The following PCDH10 variants were observed in gnomAD, a reference collection of about 807,000 sequenced individuals.
PCDH10 encodes the protein protocadherin 10, also known as protocadherin-10.
Under a neutral mutation model 74.4 loss-of-function variants are expected in PCDH10, and 15 were observed. The ratio of observed to expected loss-of-function variants is 0.20; its 90% CI spans 0.13 to 0.31. The LOEUF (loss-of-function observed/expected upper bound fraction) is 0.31, where lower values mean the gene tolerates loss of function less well. Ranked by LOEUF, PCDH10 falls within the 10% of genes least tolerant of loss-of-function variation. PCDH10 has a pLI of 1.00. For missense variants in PCDH10, 1,260 were observed against 1,390.2 expected (o/e 0.91, Z 1.49); for synonymous variants, 619 against 589.8 (o/e 1.05, Z -0.72).
At chr4:133,206,929 A>T (rs1728019416) in intron 2 of PCDH10, among the ~76,000 whole-genome samples, 1 of 152,182 alleles carries the variant, frequency 6.6e-6, no homozygotes, top group Non-Finnish European at 1.5e-5. Context: ...AAAAGCACTG[A>T]CATGTTTGAA....
At chr4:133,204,107 C>T (rs1727956663) in intron 2 of PCDH10, among the ~76,000 whole-genome samples, 1 of 152,078 alleles carries the variant, frequency 6.6e-6, no homozygotes, top group Admixed American at 6.6e-5. Context: ...AGATGTTTAC[C>T]TTTATACCCC....
At chr4:133,164,056 C>T (rs771841415) in intron 4 of PCDH10, 5 of 454,676 alleles carry the variant, frequency 1.1e-5, no homozygotes, top group Non-Finnish European at 1.8e-5. Context: ...GTAGTGACAA[C>T]AATAGGTGGT....
intron 4 of PCDH10, among the ~76,000 whole-genome samples, chr4:133,172,762 A>G (rs1388356329): frequency 1.3e-5 from 2 of 151,986 alleles, no homozygotes; most frequent in Admixed American, 6.6e-5. Flanking sequence ...TATAGGGAAA[A>G]CCATCTGCAG....
intron 2 of PCDH10, among the ~76,000 whole-genome samples, chr4:133,201,903 A>G (rs1727916658): frequency 6.6e-6 from 1 of 151,792 alleles, no homozygotes; most frequent in Non-Finnish European, 1.5e-5. Flanking sequence ...GATCCCTAAT[A>G]AAGACAATTC....
intron 4 of PCDH10, among the ~76,000 whole-genome samples, chr4:133,173,510 G>A (rs931729805): frequency 1.3e-5 from 2 of 151,880 alleles, no homozygotes; most frequent in African/African-American, 2.4e-5. Flanking sequence ...CTGTGATTTG[G>A]TGAAATATCA....
intron 4 of PCDH10, among the ~76,000 whole-genome samples, chr4:133,183,905 T>G (rs1211040035): frequency 6.6e-6 from 1 of 152,192 alleles, no homozygotes; most frequent in Non-Finnish European, 1.5e-5. Context: ...TTATACATTT[T>G]ATTCATTCAT....
chr4:133,199,348 C>T (rs2125876968), downstream of PCDH10, among the ~76,000 whole-genome samples: 1 of 148,306 alleles, frequency 6.7e-6, no homozygotes, highest in Admixed American at 6.8e-5. Context: ...AGCAAGATAA[C>T]TTGCAAAAAT....
chr4:133,191,991 A>ACG lies in PCDH10; in HGVS notation c.*1832_*1833insGC, dbSNP rs1157234856. ...CACACACACACACACACACACACAC[A>ACG]CACACTTAGGTCCTGATATGTACAT... On this transcript the variant is annotated 3_prime_UTR_variant, in exon 5 of 5. Coordinates refer to ENST00000264360, the MANE Select transcript of PCDH10 (RefSeq NM_032961.3). The ACG allele has an allele frequency of 4.1e-5, 6 of 148,070 alleles. No individual in the cohort carries two copies. 9.2% of individuals were successfully genotyped at this position (148,070 alleles called of 1,614,324 possible). A position where few individuals can be genotyped will look rare whatever the true frequency, so the allele number is the denominator to read the frequency against.
downstream of PCDH10, among the ~76,000 whole-genome samples, chr4:133,196,602 T>G (rs1363315767): frequency 6.6e-6 from 1 of 152,330 alleles, no homozygotes; most frequent in East Asian, 1.9e-4. Context: ...ATCCTGTGGC[T>G]AATTTGTTAG....
intron 4 of PCDH10, among the ~76,000 whole-genome samples, chr4:133,169,234 CTAGTT>C (rs1341325946): frequency 2.6e-5 from 4 of 151,672 alleles, no homozygotes; most frequent in Non-Finnish European, 5.9e-5. Flanking sequence ...ATATTTTCCT[CTAGTT>C]TAGTCACTTT....
At chr4:133,156,839 C>T (rs1443958087) in intron 3 of PCDH10, among the ~76,000 whole-genome samples, 2 of 152,064 alleles carry the variant, frequency 1.3e-5, no homozygotes, top group South Asian at 2.1e-4. Flanking sequence ...TGCAAAAGAG[C>T]CAAATTTGGA....
In PCDH10 at chr4:133,193,528, T is replaced by C. The variant is rs1727724025; in HGVS notation, c.*3368T>C. 6.6e-6 allele frequency: 1 copy of C among 151,734 alleles called. No individual in the cohort carries two copies. The highest frequency in any genetic ancestry group is 1.5e-5 in the Non-Finnish European group (1 of 67,682). The allele number at this position is 151,734 out of a possible 1,614,324, so 9.4% of individuals were successfully genotyped here. On this transcript the variant is annotated 3_prime_UTR_variant, in exon 5 of 5. Transcript: ENST00000264360. ...AATTCCCAATATAATCTTTAACAAC[T>C]GTACGTTAATTGTACCATTTTACCT...
At chr4:133,203,473 C>A (rs1230756299) in intron 2 of PCDH10, among the ~76,000 whole-genome samples, 3 of 152,118 alleles carry the variant, frequency 2.0e-5, no homozygotes, top group East Asian at 3.9e-4. Context: ...TTTTAAATAA[C>A]ACCTATGCTA....
chr4:133,175,732 A>G (rs1727284218), intron 4 of PCDH10, among the ~76,000 whole-genome samples: 1 of 152,112 alleles, frequency 6.6e-6, no homozygotes, highest in Non-Finnish European at 1.5e-5. Context: ...CTGCACAAAT[A>G]AAAATACTCC....
At chr4:133,203,172 C>T (rs1476482098) in intron 2 of PCDH10, among the ~76,000 whole-genome samples, 1 of 151,912 alleles carries the variant, frequency 6.6e-6, no homozygotes, top group Non-Finnish European at 1.5e-5. Context: ...GGTGTAGGGC[C>T]AAGGAGAAGT....
Position 133,152,033 on chromosome 4 carries a change from G to A in PCDH10, c.1893G>A (p.Met631Ile). 2 of 1,612,318 alleles carry A rather than the reference G, an allele frequency of 1.2e-6. No individual in the cohort carries two copies. Among genetic ancestry groups the A allele is most frequent in the Non-Finnish European group, 1.7e-6 (2 of 1,179,586 alleles). ...VRGNEMNLFR[M>I]DWRTGELRTA... ...GCAACGAAATGAACCTCTTTCGCAT[G>A]GACTGGCGCACCGGGGAGCTGCGCA... Residue 631 changes from methionine to isoleucine, a missense_variant, in exon 1 of 5, where the codon ATG becomes ATA. Transcript: ENST00000264360.
At chr4:133,183,586 A>T (rs1356501766) in intron 4 of PCDH10, among the ~76,000 whole-genome samples, 1 of 152,168 alleles carries the variant, frequency 6.6e-6, no homozygotes, top group Non-Finnish European at 1.5e-5. Flanking sequence ...GCACTGATCA[A>T]TACTAATTTT....
At chr4:133,176,508 T>G (rs1727299788) in intron 4 of PCDH10, among the ~76,000 whole-genome samples, 1 of 152,118 alleles carries the variant, frequency 6.6e-6, no homozygotes, top group African/African-American at 2.4e-5. Flanking sequence ...TGGACAAAAT[T>G]ACAATTCTGG....
At chr4:133,162,648 G>A (rs1726992977) in intron 3 of PCDH10, among the ~76,000 whole-genome samples, 1 of 152,042 alleles carries the variant, frequency 6.6e-6, no homozygotes, top group Non-Finnish European at 1.5e-5. Context: ...TTTAAAAGAT[G>A]TCTACCATTT....
Sources: allele counts gnomAD v4.1 joint callset (sites outside exome capture counted in the v4.1 genomes callset), GRCh38; gene constraint gnomAD v4.1.1; transcripts MANE v1.5; gene names NCBI Gene and HGNC (gene_info 2026-07-23, HGNC 2026-07-21).